LINGO2: variants seen among roughly 807,000 people sequenced by gnomAD.
LINGO2 encodes leucine-rich repeat and immunoglobulin-like domain-containing nogo receptor-interacting protein 2.
Under a neutral mutation model 30.6 loss-of-function variants are expected in LINGO2, and 14 were observed. The observed-to-expected ratio is 0.46, with a 90% CI of 0.30 to 0.72. The LOEUF is 0.72. Among genes scored for constraint, LINGO2 ranks in the 30% least tolerant of loss-of-function variants. The pLI, the probability that LINGO2 is intolerant of heterozygous loss-of-function variation, is 0.07. For missense variants in LINGO2, 729 were observed against 751.7 expected (o/e 0.97, Z 0.35); for synonymous variants, 317 against 288.5 (o/e 1.10, Z -1.00).
chr9:28,877,335 G>T, the LINGO2 span, among the ~76,000 whole-genome samples: 4 of 152,016 alleles, frequency 2.6e-5, no homozygotes, highest in African/African-American at 7.2e-5. Flanking sequence ...CCATGCCTAT[G>T]TCCTGAATGG....
chr9:28,789,772 T>C, the LINGO2 span, among the ~76,000 whole-genome samples: 1 of 152,208 alleles, frequency 6.6e-6, no homozygotes, highest in African/African-American at 2.4e-5. Flanking sequence ...TTCCTTGAAA[T>C]ATTCCACGTT....
chr9:28,629,905 G>T (rs1003898762), intron 1 of LINGO2, among the ~76,000 whole-genome samples: 1 of 151,734 alleles, frequency 6.6e-6, no homozygotes, highest in Non-Finnish European at 1.5e-5. Context: ...TATATCTCCC[G>T]ATGCTATCCC....
exon 6 of LINGO2, chr9:27,948,830 A>G (rs542988981): frequency 6.3e-7 from 1 of 1,586,106 alleles, no homozygotes; most frequent in South Asian, 1.2e-5. Context: ...ACAAAGAGAC[A>G]GTAATGTGAG....
intron 3 of LINGO2, among the ~76,000 whole-genome samples, chr9:28,301,327 C>T (rs1824133169): frequency 6.6e-6 from 1 of 151,674 alleles, no homozygotes; most frequent in Non-Finnish European, 1.5e-5. Context: ...AGTATAGGTC[C>T]CATTTCCACT....
At chr9:28,189,255 G>GGGAA (rs1819661512) in intron 4 of LINGO2, among the ~76,000 whole-genome samples, 1 of 129,580 alleles carries the variant, frequency 7.7e-6, no homozygotes. Flanking sequence ...GAGGAAGGGA[G>GGGAA]GAAGGAAGGG....
chr9:29,161,160 G>C, the LINGO2 span, among the ~76,000 whole-genome samples: 198 of 152,194 alleles, frequency 1.3e-3, no homozygotes, highest in Non-Finnish European at 2.6e-3. Context: ...GCAGGTGTGG[G>C]GACCACAGGA....
intron 1 of LINGO2, among the ~76,000 whole-genome samples, chr9:28,558,025 T>C (rs947848056): frequency 4.5e-4 from 65 of 145,404 alleles, no homozygotes; most frequent in Non-Finnish European, 8.0e-4. Flanking sequence ...AGGGATAGCA[T>C]TGGGAGATAT....
chr9:29,173,238 G>A, the LINGO2 span, among the ~76,000 whole-genome samples: 3 of 151,990 alleles, frequency 2.0e-5, no homozygotes, highest in Non-Finnish European at 4.4e-5. Context: ...CAACTCAGTT[G>A]ACATTTCTGG....
chr9:28,577,989 T>C (rs1271546178), intron 1 of LINGO2, among the ~76,000 whole-genome samples: 1 of 152,280 alleles, frequency 6.6e-6, no homozygotes, highest in Non-Finnish European at 1.5e-5. Context: ...AAAGGCTCTC[T>C]TCTGATGATG....
chr9:28,775,897 A>C, the LINGO2 span, among the ~76,000 whole-genome samples: 3 of 152,152 alleles, frequency 2.0e-5, no homozygotes, highest in Non-Finnish European at 4.4e-5. Context: ...AATGAGAATA[A>C]TGAAAAAAAT....
chr9:28,661,263 G>A (rs1265156955), intron 1 of LINGO2, among the ~76,000 whole-genome samples: 10 of 152,118 alleles, frequency 6.6e-5, no homozygotes, highest in Non-Finnish European at 1.5e-4. Flanking sequence ...CTACCCCATT[G>A]TATGATGAGA....
chr9:28,958,972 G>C, the LINGO2 span, among the ~76,000 whole-genome samples: 1 of 152,120 alleles, frequency 6.6e-6, no homozygotes, highest in Non-Finnish European at 1.5e-5. Flanking sequence ...ATGTTCAACA[G>C]GATCACTCAG....
intron 1 of LINGO2, among the ~76,000 whole-genome samples, chr9:28,526,200 C>T (rs1482162508): frequency 6.6e-6 from 1 of 151,900 alleles, no homozygotes; most frequent in Non-Finnish European, 1.5e-5. Context: ...GAAAGGTACA[C>T]CATATTCTGG....
intron 5 of LINGO2, among the ~76,000 whole-genome samples, chr9:27,986,413 G>T (rs556341775): frequency 2.0e-5 from 3 of 151,872 alleles, no homozygotes; most frequent in African/African-American, 7.2e-5. Flanking sequence ...GGCAACGGGA[G>T]GTAAGCTGTC....
the LINGO2 span, among the ~76,000 whole-genome samples, chr9:29,177,976 T>A: frequency 6.6e-6 from 1 of 152,098 alleles, no homozygotes; most frequent in African/African-American, 2.4e-5. Context: ...CACCTTCTCT[T>A]CCACTTTTGG....
At chr9:28,151,244 A>G (rs1215159134) in intron 4 of LINGO2, among the ~76,000 whole-genome samples, 2 of 152,076 alleles carry the variant, frequency 1.3e-5, no homozygotes, top group Admixed American at 1.3e-4. Context: ...CAATAACTAT[A>G]ATTCATTATA....
chr9:28,168,601 T>A (rs1370870885), intron 4 of LINGO2, among the ~76,000 whole-genome samples: 1 of 152,238 alleles, frequency 6.6e-6, no homozygotes, highest in East Asian at 1.9e-4. Flanking sequence ...TCTAAATGGC[T>A]ATAAATTAGT....
At position 28,623,822 on chromosome 9, in the gene LINGO2, T is replaced by A. The variant is rs188085981; in HGVS notation, c.-365+46378A>T. ...TTTAACAACATTCATTCTTCCAATC[T>A]ATGAACGTGGAAAATCATTCCATTT... On this transcript the variant is annotated intron_variant, in intron 1 of 5. Coordinates refer to ENST00000379992, the Ensembl canonical transcript of LINGO2. Among the ~76,000 whole-genome samples, 366 of 152,200 alleles carry A rather than the reference T, an allele frequency of 2.4e-3. 2 individuals are homozygous for A. Among genetic ancestry groups the A allele is most frequent in the Non-Finnish European group, 4.4e-3 (297 of 67,964 alleles).
intron 1 of LINGO2, among the ~76,000 whole-genome samples, chr9:28,593,669 A>T: frequency 6.6e-6 from 1 of 151,970 alleles, no homozygotes; most frequent in East Asian, 1.9e-4. Context: ...ATCAAAAATC[A>T]AAATAAACTT....
Sources: allele counts gnomAD v4.1 joint callset (sites outside exome capture counted in the v4.1 genomes callset), GRCh38; gene constraint gnomAD v4.1.1; transcripts MANE v1.5; gene names NCBI Gene and HGNC (gene_info 2026-07-23, HGNC 2026-07-21).